SUMF1: variants seen among roughly 807,000 people sequenced by gnomAD.
The protein encoded by SUMF1 is formylglycine-generating enzyme.
A neutral mutation model predicts 47.6 loss-of-function variants in SUMF1; 48 were observed. The ratio of observed to expected loss-of-function variants is 1.01; its 90% confidence interval spans 0.80 to 1.28. The LOEUF (loss-of-function observed/expected upper bound fraction) is 1.28, where lower values mean the gene tolerates loss of function less well. Among genes scored for constraint, SUMF1 ranks in the 50% most tolerant of loss-of-function variants. The pLI is 0.00. For synonymous variants in SUMF1, 230 were observed against 192.1 expected (o/e 1.20, Z -1.63); for missense variants, 571 against 485.4 (o/e 1.18, Z -1.66).
chr3:4,456,978 GTA>G lies in SUMF1; in HGVS notation c.271-3931_271-3930del, dbSNP rs750647688. On this transcript the variant is annotated intron_variant, in intron 1 of 8. Coordinates refer to ENST00000272902, the MANE Select transcript of SUMF1 (RefSeq NM_182760.4). Reference sequence around the variant, plus strand: ...CGTGTGTGTATATATATACGTGTGTGTATATATATATACGTGTGTGTATATAT... The same window carrying G: ...CGTGTGTGTATATATATACGTGTGTGTATATATATACGTGTGTGTATATAT... 1.0e-2 allele frequency among the ~76,000 whole-genome samples: 1,256 copies of G among 125,856 alleles called. 31 individuals carry two copies. The highest frequency in any genetic ancestry group is 0.023 in the African/African-American group (749 of 33,242). The allele number at this position is 125,856 out of a possible 152,430, so 82.6% of individuals were successfully genotyped here. A position where few individuals can be genotyped will look rare whatever the true frequency, so the allele number is the denominator to read the frequency against.
At chr3:4,195,030 T>C (rs1238687454) in intron 8 of SUMF1, among the ~76,000 whole-genome samples, 1 of 152,162 alleles carries the variant, frequency 6.6e-6, no homozygotes, top group Non-Finnish European at 1.5e-5. Flanking sequence ...AGAGCCCTTG[T>C]CTGTGGAGGC....
chr3:4,111,841 A>G (rs964616490), intron 8 of SUMF1, among the ~76,000 whole-genome samples: 4 of 152,168 alleles, frequency 2.6e-5, no homozygotes, highest in African/African-American at 9.7e-5. Flanking sequence ...AAAATGGCAA[A>G]AAAAATTTGA....
intron 8 of SUMF1, among the ~76,000 whole-genome samples, chr3:4,197,765 T>C (rs966926113): frequency 6.6e-6 from 1 of 152,092 alleles, no homozygotes; most frequent in African/African-American, 2.4e-5. Context: ...CCTTAATACA[T>C]GCAGATTACA....
rs1288624965 is a variant in SUMF1 at position 4,457,058 on chromosome 3, G to GTGTA, written c.271-4010_271-4009insTACA. Among the ~76,000 whole-genome samples, 378 of 86,068 alleles carry GTGTA rather than the reference G, an allele frequency of 4.4e-3. 7 individuals carry two copies. Among genetic ancestry groups the GTGTA allele is most frequent in the African/African-American group, 0.011 (342 of 30,088 alleles). 56.5% of individuals were successfully genotyped at this position (86,068 alleles called of 152,430 possible). ...TGTGTGTATATATATATACGTGTGTGTATATATATATATATACGTGTGTGT... is the reference window on the plus strand; with the variant it reads ...TGTGTGTATATATATATACGTGTGTGTGTATATATATATATATATACGTGTGTGT... On this transcript the variant is annotated intron_variant, in intron 1 of 8. Transcript: ENST00000272902.
At chr3:4,252,371 C>CAT (rs1696822777) in intron 8 of SUMF1, among the ~76,000 whole-genome samples, 1 of 142,522 alleles carries the variant, frequency 7.0e-6, no homozygotes, top group African/African-American at 2.5e-5. Context: ...CACACACACA[C>CAT]ACACACACCC....
intron 8 of SUMF1, among the ~76,000 whole-genome samples, chr3:4,195,103 C>G (rs1453807435): frequency 1.3e-5 from 2 of 152,040 alleles, no homozygotes; most frequent in Non-Finnish European, 2.9e-5. Context: ...TGTCTGTTCT[C>G]TATAGCAAGG....
intron 8 of SUMF1, among the ~76,000 whole-genome samples, chr3:4,320,623 G>T (rs1372445926): frequency 6.6e-6 from 1 of 152,154 alleles, no homozygotes; most frequent in Non-Finnish European, 1.5e-5. Flanking sequence ...ATTGTCTTAT[G>T]TAAATAAAGT....
At chr3:4,107,166 G>C (rs1010184321) in intron 8 of SUMF1, among the ~76,000 whole-genome samples, 2 of 152,096 alleles carry the variant, frequency 1.3e-5, no homozygotes, top group East Asian at 1.9e-4. Flanking sequence ...ACTCTAAGTT[G>C]AGAATTGTTC....
chr3:4,106,741 G>C (rs1362168490), intron 8 of SUMF1, among the ~76,000 whole-genome samples: 1 of 151,932 alleles, frequency 6.6e-6, no homozygotes, highest in East Asian at 1.9e-4. Context: ...AGGGTTTGCT[G>C]GTTTGAGGCA....
intron 8 of SUMF1, among the ~76,000 whole-genome samples, chr3:4,298,112 A>G (rs1319045136): frequency 6.6e-6 from 1 of 152,228 alleles, no homozygotes; most frequent in Non-Finnish European, 1.5e-5. Flanking sequence ...AATCTGAATA[A>G]TCAATGCAAT....
chr3:4,117,101 C>T (rs1192401959), intron 8 of SUMF1, among the ~76,000 whole-genome samples: 1 of 152,034 alleles, frequency 6.6e-6, no homozygotes, highest in Non-Finnish European at 1.5e-5. Flanking sequence ...GATAATGTGA[C>T]TGCATCTTAA....
chr3:4,337,331 C>A (rs1449141061), intron 8 of SUMF1, among the ~76,000 whole-genome samples: 1 of 151,888 alleles, frequency 6.6e-6, no homozygotes, highest in Admixed American at 6.6e-5. Context: ...ACCCTACTGT[C>A]CCCTTGTCAT....
At chr3:4,397,018 T>C (rs1701060330) in intron 7 of SUMF1, among the ~76,000 whole-genome samples, 1 of 152,198 alleles carries the variant, frequency 6.6e-6, no homozygotes, top group African/African-American at 2.4e-5. Context: ...TTTCTCATCA[T>C]CTACTGGTAG....
chr3:4,280,802 A>C, intron 8 of SUMF1, among the ~76,000 whole-genome samples: 1 of 142,028 alleles, frequency 7.0e-6, no homozygotes. Context: ...CCAATCTTCA[A>C]ATGGCATTCA....
At chr3:4,100,180 G>A (rs1424335398) in intron 8 of SUMF1, among the ~76,000 whole-genome samples, 4 of 150,622 alleles carry the variant, frequency 2.7e-5, no homozygotes, top group East Asian at 1.9e-4. Context: ...CACAGAAATC[G>A]AAAAAAAATC....
At chr3:4,363,993 T>C (rs1374992246) in intron 8 of SUMF1, among the ~76,000 whole-genome samples, 3 of 141,016 alleles carry the variant, frequency 2.1e-5, no homozygotes, top group Non-Finnish European at 4.6e-5. Flanking sequence ...ATGTGGTTTT[T>C]GTCTTTGGTT....
At chr3:4,288,521 C>A (rs1278134913) in intron 8 of SUMF1, among the ~76,000 whole-genome samples, 2 of 152,126 alleles carry the variant, frequency 1.3e-5, no homozygotes, top group East Asian at 1.9e-4. Flanking sequence ...GCTAACCTAG[C>A]TTAGTATTGC....
chr3:4,098,123 T>C (rs1026963596), intron 8 of SUMF1, among the ~76,000 whole-genome samples: 1 of 152,146 alleles, frequency 6.6e-6, no homozygotes, highest in Non-Finnish European at 1.5e-5. Context: ...CTCATACTGC[T>C]TTTATCTTTA....
At chr3:4,204,266 G>C (rs1460004595) in intron 8 of SUMF1, among the ~76,000 whole-genome samples, 1 of 151,970 alleles carries the variant, frequency 6.6e-6, no homozygotes, top group African/African-American at 2.4e-5. Flanking sequence ...AATGTTCTAG[G>C]ATAATTTTTT....
Sources: gnomAD v4.1 joint callset for allele counts (sites outside exome capture counted in the v4.1 genomes callset) on GRCh38, gnomAD v4.1.1 for gene constraint, MANE v1.5 for transcripts, NCBI Gene and HGNC (gene_info 2026-07-23, HGNC 2026-07-21) for gene names.